The following GRAMD2B variants were observed in gnomAD, a reference collection of about 807,000 sequenced individuals.
GRAMD2B encodes GRAM domain-containing protein 2B.
In GRAMD2B, 41 loss-of-function variants were observed where a neutral mutation model predicts 59.2. The observed-to-expected ratio is 0.69, with a 90% CI of 0.54 to 0.90. GRAMD2B has a LOEUF of 0.90. Among genes scored for constraint, GRAMD2B ranks in the 40% least tolerant of loss-of-function variants. GRAMD2B has a pLI of 0.00. For synonymous variants in GRAMD2B, 161 were observed against 182.7 expected (o/e 0.88, Z 0.96); for missense variants, 424 against 500.5 (o/e 0.85, Z 1.46).
intron 1 of GRAMD2B, among the ~76,000 whole-genome samples, chr5:126,392,891 G>C (rs1756963910): frequency 6.6e-6 from 1 of 152,172 alleles, no homozygotes; most frequent in Admixed American, 6.5e-5. Context: ...GATCTGACAG[G>C]AAGCAGGTTG....
At chr5:126,390,660 C>G (rs1407866238) in intron 1 of GRAMD2B, among the ~76,000 whole-genome samples, 1 of 152,156 alleles carries the variant, frequency 6.6e-6, no homozygotes, top group African/African-American at 2.4e-5. Context: ...ATAAATGCAG[C>G]TGGAAGAGTG....
At chr5:126,402,073 A>G (rs924346286) in intron 1 of GRAMD2B, among the ~76,000 whole-genome samples, 5 of 152,092 alleles carry the variant, frequency 3.3e-5, no homozygotes, top group African/African-American at 7.2e-5. Flanking sequence ...AGGGAAAATC[A>G]AAAGCCTAGG....
chr5:126,379,277 T>C (rs1755459515), intron 1 of GRAMD2B, among the ~76,000 whole-genome samples: 1 of 152,208 alleles, frequency 6.6e-6, no homozygotes, highest in Non-Finnish European at 1.5e-5. Flanking sequence ...GGTATATATA[T>C]ACTACATTTT....
upstream of GRAMD2B, among the ~76,000 whole-genome samples, chr5:126,370,484 T>C (rs1754692706): frequency 1.3e-5 from 2 of 152,222 alleles, no homozygotes; most frequent in South Asian, 4.1e-4. Context: ...AATCTTTCAC[T>C]GGTGCTAGTA....
chr5:126,490,121 G>C (rs1377000401), intron 13 of GRAMD2B, among the ~76,000 whole-genome samples: 1 of 152,158 alleles, frequency 6.6e-6, no homozygotes, highest in Middle Eastern at 3.2e-3. Context: ...AATCAACCTA[G>C]AGAAGGTATG....
intron 1 of GRAMD2B, among the ~76,000 whole-genome samples, chr5:126,449,777 G>A (rs1764996043): frequency 6.6e-6 from 1 of 152,184 alleles, no homozygotes; most frequent in South Asian, 2.1e-4. Flanking sequence ...TGATGCCCGT[G>A]TTGATTCACT....
Position 126,472,285 on chromosome 5 carries a change from G to A in GRAMD2B, c.363G>A (p.Thr121=), listed in dbSNP as rs147958036. The A allele has an allele frequency of 3.4e-5, 55 of 1,613,856 alleles. No homozygotes were observed. The African/African-American group carries it at 4.5e-4, about 13-fold the overall frequency. ...ACAAGTTGTTTCTTAGTGTCCCAAC[G>A]GAGGAACCACTGAAGCAAAGTAAGT... is the stretch of plus-strand genomic sequence containing the variant. The part of the protein sequence containing the change: ...HFHKLFLSVP[T]EEPLKQSFTC... Residue 121 remains threonine, a synonymous_variant, in exon 4 of 14, where the codon ACG becomes ACA. Coordinates refer to ENST00000285689, the MANE Select transcript of GRAMD2B (RefSeq NM_023927.4).
chr5:126,452,000 C>T (rs967232098), intron 1 of GRAMD2B, among the ~76,000 whole-genome samples: 3 of 152,116 alleles, frequency 2.0e-5, no homozygotes, highest in African/African-American at 7.2e-5. Context: ...GAGGCCCTGA[C>T]CAGAAGCAGA....
At chr5:126,390,984 C>A (rs1274625513) in intron 1 of GRAMD2B, among the ~76,000 whole-genome samples, 1 of 152,108 alleles carries the variant, frequency 6.6e-6, no homozygotes, top group African/African-American at 2.4e-5. Flanking sequence ...CAACTCCTCC[C>A]ACCTTTAATT....
chr5:126,476,586 A>G (rs1174650023), intron 5 of GRAMD2B, among the ~76,000 whole-genome samples: 1 of 152,216 alleles, frequency 6.6e-6, no homozygotes, highest in Non-Finnish European at 1.5e-5. Context: ...CCACATTTGG[A>G]ATCAGATTGG....
At chr5:126,485,173 G>A (rs1409467525) in intron 10 of GRAMD2B, among the ~76,000 whole-genome samples, 1 of 151,976 alleles carries the variant, frequency 6.6e-6, no homozygotes, top group Non-Finnish European at 1.5e-5. Context: ...GGGCAACATA[G>A]TGAGACCCTA....
chr5:126,377,334 C>T (rs1755277330), intron 1 of GRAMD2B, among the ~76,000 whole-genome samples: 1 of 151,846 alleles, frequency 6.6e-6, no homozygotes, highest in Non-Finnish European at 1.5e-5. Flanking sequence ...AATGTATTGC[C>T]ATCAGGATGT....
intron 1 of GRAMD2B, among the ~76,000 whole-genome samples, chr5:126,450,001 ACT>A (rs1765041717): frequency 1.3e-5 from 2 of 151,794 alleles, no homozygotes; most frequent in South Asian, 2.1e-4. Context: ...GTAACTTTTA[ACT>A]CTGCTACAAT....
chr5:126,421,858 C>A (rs1759754359), upstream of GRAMD2B, among the ~76,000 whole-genome samples: 1 of 152,144 alleles, frequency 6.6e-6, no homozygotes, highest in South Asian at 2.1e-4. Flanking sequence ...GTTGTATAGT[C>A]TTTGTAATAC....
In GRAMD2B at chr5:126,410,834, T is replaced by C. The variant is rs1313106098; in HGVS notation, c.125+39267T>C. On this transcript the variant is annotated intron_variant, in intron 1 of 8. Transcript: ENST00000506445. The stretch of plus-strand genomic sequence containing the variant: ...ACTGGTATGATACGGTATCTTCTTG[T>C]GGTTTTGATTTGCATTTCTTTGATG... Among the ~76,000 whole-genome samples the C allele has an allele frequency of 2.6e-5, 4 of 152,104 alleles. No individual in the cohort carries two copies. The East Asian group carries it at 7.7e-4, about 29-fold the overall frequency.
At chr5:126,390,058 T>A (rs1041937520) in intron 1 of GRAMD2B, among the ~76,000 whole-genome samples, 2 of 152,240 alleles carry the variant, frequency 1.3e-5, no homozygotes, top group Non-Finnish European at 2.9e-5. Context: ...TAGGTTGAGT[T>A]GTTTATATAA....
intron 1 of GRAMD2B, among the ~76,000 whole-genome samples, chr5:126,427,343 G>A (rs564139733): frequency 6.6e-6 from 1 of 150,780 alleles, no homozygotes; most frequent in African/African-American, 2.4e-5. Context: ...GTAATATCCA[G>A]GTTACTTTTA....
At chr5:126,448,050 A>T (rs995394392) in intron 1 of GRAMD2B, among the ~76,000 whole-genome samples, 22 of 151,764 alleles carry the variant, frequency 1.4e-4, no homozygotes, top group African/African-American at 5.1e-4. Context: ...TAGTAGAGAG[A>T]GGGTTTCACT....
intron 1 of GRAMD2B, among the ~76,000 whole-genome samples, chr5:126,447,699 A>C (rs913652919): frequency 1.3e-5 from 2 of 151,682 alleles, no homozygotes; most frequent in African/African-American, 4.8e-5. Context: ...AAGAGATCAG[A>C]AAGCCTGGCC....
Sources: gnomAD v4.1 joint callset for allele counts (sites outside exome capture counted in the v4.1 genomes callset) on GRCh38, gnomAD v4.1.1 for gene constraint, MANE v1.5 for transcripts, NCBI Gene and HGNC (gene_info 2026-07-23, HGNC 2026-07-21) for gene names.